MALRD1: variants seen among roughly 807,000 people sequenced by gnomAD.
MALRD1 encodes the protein MAM and LDL-receptor class A domain-containing protein 1.
In MALRD1, 247 loss-of-function variants were observed where a neutral mutation model predicts 242.1. The ratio of observed to expected loss-of-function variants is 1.02; its 90% CI spans 0.92 to 1.13. MALRD1 has a LOEUF of 1.13. Ranked by LOEUF, MALRD1 falls within the 50% of genes most tolerant of loss-of-function variation. The pLI, the probability that MALRD1 is intolerant of heterozygous loss-of-function variation, is 0.00. For synonymous variants in MALRD1, 995 were observed against 866.6 expected (o/e 1.15, Z -2.60); for missense variants, 2,989 against 2,533.1 (o/e 1.18, Z -3.86).
intron 38 of MALRD1, among the ~76,000 whole-genome samples, chr10:19,697,188 T>C (rs1373306236): frequency 6.6e-6 from 1 of 152,048 alleles, no homozygotes; most frequent in Non-Finnish European, 1.5e-5. Flanking sequence ...AGTTGTCTCA[T>C]GCAATTGTGG....
intron 14 of MALRD1, among the ~76,000 whole-genome samples, chr10:19,187,193 T>A (rs1440892977): frequency 6.6e-6 from 1 of 152,126 alleles, no homozygotes; most frequent in African/African-American, 2.4e-5. Flanking sequence ...AAATAAGGCA[T>A]AAAGAGGATT....
At chr10:19,114,372 T>C (rs1836796243) in intron 5 of MALRD1, among the ~76,000 whole-genome samples, 1 of 152,168 alleles carries the variant, frequency 6.6e-6, no homozygotes, top group Non-Finnish European at 1.5e-5. Context: ...GTAAGTCTTT[T>C]TGGTTTATAG....
intron 24 of MALRD1, among the ~76,000 whole-genome samples, chr10:19,338,860 T>C (rs1227719605): frequency 6.6e-6 from 1 of 150,634 alleles, no homozygotes; most frequent in Non-Finnish European, 1.5e-5. Flanking sequence ...TCTAACTATA[T>C]GTATATATAT....
At chr10:19,683,885 C>T (rs1178125514) in intron 36 of MALRD1, among the ~76,000 whole-genome samples, 1 of 152,032 alleles carries the variant, frequency 6.6e-6, no homozygotes, top group East Asian at 1.9e-4. Context: ...GGGTTTCAAG[C>T]CCAGCATGCA....
At position 19,618,599 on chromosome 10, in the gene MALRD1, T is replaced by C. The variant is rs117172017; in HGVS notation, c.6137+2676T>C. Among the ~76,000 whole-genome samples, 713 of 152,222 alleles carry C rather than the reference T, an allele frequency of 4.7e-3. 9 individuals carry two copies. The East Asian group carries it at 0.059, about 13-fold the overall frequency. ...TAATGATCAGTGATGTTGGGCTTTTTTTCATATGCTTATTGGCAGCATGTG... is the reference window on the plus strand; with the variant it reads ...TAATGATCAGTGATGTTGGGCTTTTCTTCATATGCTTATTGGCAGCATGTG... On this transcript the variant is annotated intron_variant, in intron 36 of 39. Transcript: ENST00000454679.
intron 2 of MALRD1, among the ~76,000 whole-genome samples, chr10:19,068,929 AAAG>A (rs1297753038): frequency 6.6e-6 from 1 of 152,130 alleles, no homozygotes; most frequent in African/African-American, 2.4e-5. Context: ...AAGCTCAGGG[AAAG>A]AAGGATTAAA....
chr10:19,205,060 A>G lies in MALRD1; in HGVS notation c.2373A>G (p.Ser791=). The change falls in exon 17 of 40, where the codon TCA becomes TCG. Residue 791 remains serine, a synonymous_variant. Coordinates refer to ENST00000454679, the MANE Select transcript of MALRD1 (RefSeq NM_001142308.3). ...LGRLSQPFHL[S]LDKVSLGIYD... is the part of the protein sequence containing the mutation. ...GCCTTTCGCAGCCCTTCCATTTGTC[A>G]CTAGATAAAGTCAGTCTGGGCATTT... 1 of 1,550,770 alleles carries G rather than the reference A, an allele frequency of 6.4e-7. No individual in the cohort carries two copies.
chr10:19,490,815 GTA>G (rs1167903621), intron 29 of MALRD1, among the ~76,000 whole-genome samples: 1 of 152,116 alleles, frequency 6.6e-6, no homozygotes, highest in Non-Finnish European at 1.5e-5. Flanking sequence ...ACGAGGATGA[GTA>G]TTAAACACTG....
At chr10:19,521,884 T>C (rs1833898228) in intron 31 of MALRD1, among the ~76,000 whole-genome samples, 1 of 152,166 alleles carries the variant, frequency 6.6e-6, no homozygotes, top group Non-Finnish European at 1.5e-5. Context: ...TCTCTGTTAT[T>C]GTCATCATCA....
chr10:19,199,527 G>A (rs758909111), intron 14 of MALRD1, among the ~76,000 whole-genome samples: 34 of 152,140 alleles, frequency 2.2e-4, no homozygotes, highest in Non-Finnish European at 1.2e-4. Context: ...CGGGCCAGGT[G>A]CAGTGGCTCA....
intron 18 of MALRD1, among the ~76,000 whole-genome samples, chr10:19,210,245 C>T (rs1216963062): frequency 1.3e-5 from 2 of 152,162 alleles, no homozygotes; most frequent in Non-Finnish European, 2.9e-5. Flanking sequence ...TGGCTGTTAA[C>T]AGTTTTGTAA....
chr10:19,111,770 T>A (rs760402015), intron 5 of MALRD1, among the ~76,000 whole-genome samples: 2 of 152,230 alleles, frequency 1.3e-5, no homozygotes, highest in Admixed American at 1.3e-4. Context: ...TGGTATGTTC[T>A]TTGAAGATGA....
chr10:19,474,013 T>C (rs1836616389), intron 29 of MALRD1, among the ~76,000 whole-genome samples: 1 of 152,162 alleles, frequency 6.6e-6, no homozygotes, highest in Non-Finnish European at 1.5e-5. Context: ...GTTTTTTTCG[T>C]AGTAGTCATT....
intron 29 of MALRD1, among the ~76,000 whole-genome samples, chr10:19,470,993 G>A (rs1036385451): frequency 6.6e-6 from 1 of 151,716 alleles, no homozygotes; most frequent in East Asian, 1.9e-4. Context: ...GTTAGGGGTT[G>A]ACATCCAAAA....
chr10:19,586,764 C>G (rs1837431366), intron 33 of MALRD1, among the ~76,000 whole-genome samples: 1 of 152,274 alleles, frequency 6.6e-6, no homozygotes, highest in Admixed American at 6.5e-5. Flanking sequence ...CCAGTTCCAG[C>G]TTCCTGGCTG....
chr10:19,587,356 A>G (rs958662840), intron 33 of MALRD1, among the ~76,000 whole-genome samples: 6 of 152,232 alleles, frequency 3.9e-5, no homozygotes, highest in East Asian at 1.9e-4. Flanking sequence ...TTTACTGTCT[A>G]TATCACTGCG....
chr10:19,311,139 G>C (rs915493319), intron 21 of MALRD1, among the ~76,000 whole-genome samples: 35 of 151,336 alleles, frequency 2.3e-4, no homozygotes, highest in African/African-American at 8.5e-4. Flanking sequence ...ACATCTTTCA[G>C]ATAAAATTAG....
chr10:19,543,074 C>T (rs74119001), intron 32 of MALRD1, among the ~76,000 whole-genome samples: 2,988 of 152,140 alleles, frequency 0.02, 53 homozygotes, highest in East Asian at 0.045. Context: ...CTGAGCCCTG[C>T]AAGAGTACTA....
chr10:19,224,554 G>A (rs1485763006), intron 18 of MALRD1, among the ~76,000 whole-genome samples: 4 of 152,130 alleles, frequency 2.6e-5, no homozygotes, highest in Non-Finnish European at 4.4e-5. Context: ...GCCTCCCAAA[G>A]TGATGGGATT....
Sources: gnomAD v4.1 joint callset for allele counts (sites outside exome capture counted in the v4.1 genomes callset) on GRCh38, gnomAD v4.1.1 for gene constraint, MANE v1.5 for transcripts, NCBI Gene and HGNC (gene_info 2026-07-23, HGNC 2026-07-21) for gene names.